The following ZNF106 variants were observed in gnomAD, a reference collection of about 807,000 sequenced individuals.
The protein encoded by ZNF106 is SH3-domain binding protein 3.
In ZNF106, 67 loss-of-function variants were observed where a neutral mutation model predicts 195.1. That is an observed-to-expected ratio of 0.34 (90% confidence interval 0.28 to 0.42). The LOEUF is 0.42. ZNF106 is among the 10% of genes least tolerant of loss of function. The pLI is 1.00. For synonymous variants in ZNF106, 784 were observed against 818.6 expected (o/e 0.96, Z 0.72); for missense variants, 2,118 against 2,304.5 (o/e 0.92, Z 1.66).
In ZNF106 at chr15:42,450,280, G is replaced by A. The variant is rs531266605; in HGVS notation, c.1992C>T (p.Ser664=). 6.2e-7 allele frequency: 1 copy of A among 1,614,150 alleles called. No homozygotes were observed. The highest frequency in any genetic ancestry group is 1.1e-5 in the South Asian group (1 of 91,076). ...TCTGGCGAACTATGGGATTACATGG[G>A]GAAGTGGATAGCTCTCTAGAAGTCT... The part of the protein sequence containing the change: ...ILKTSRELST[S]PCNPIVRQKE... The change falls in exon 5 of 22, where the codon TCC becomes TCT. Residue 664 remains serine, a synonymous_variant. Transcript: ENST00000564754.
chr15:42,487,426 G>T (rs1177366593), intron 1 of ZNF106, among the ~76,000 whole-genome samples: 1 of 148,934 alleles, frequency 6.7e-6, no homozygotes, highest in African/African-American at 2.5e-5. Context: ...AGGAGTTTGA[G>T]GGTGTAGTGA....
intron 4 of ZNF106, among the ~76,000 whole-genome samples, chr15:42,454,287 A>G (rs191450680): frequency 1.4e-4 from 22 of 152,352 alleles, no homozygotes; most frequent in African/African-American, 5.3e-4. Flanking sequence ...TTAGAAAGTA[A>G]CAAGTATTAT....
chr15:42,481,059 T>C (rs1410169559), intron 1 of ZNF106, among the ~76,000 whole-genome samples: 1 of 152,088 alleles, frequency 6.6e-6, no homozygotes, highest in Non-Finnish European at 1.5e-5. Flanking sequence ...CCCTCACCCA[T>C]CATCCCATGC....
intron 3 of ZNF106, among the ~76,000 whole-genome samples, chr15:42,459,458 A>G (rs970053849): frequency 6.6e-6 from 1 of 152,204 alleles, no homozygotes; most frequent in Non-Finnish European, 1.5e-5. Context: ...CCTGGGCAAC[A>G]GAGTGAGACT....
intron 10 of ZNF106, 141 bp downstream of exon 10, chr15:42,441,932 T>C (rs542378417): frequency 8.0e-5 from 48 of 601,428 alleles, no homozygotes; most frequent in South Asian, 1.2e-4. Context: ...TCCTCCTGTA[T>C]ATATGAAGAG....
At chr15:42,419,833 C>T (rs977890675) in intron 20 of ZNF106, among the ~76,000 whole-genome samples, 15 of 151,868 alleles carry the variant, frequency 9.9e-5, no homozygotes, top group South Asian at 4.2e-4. Flanking sequence ...GCCTGTGTTC[C>T]CAGCTACTAG....
In ZNF106 at chr15:42,450,541, G is replaced by A. The variant is rs768336936; in HGVS notation, c.1731C>T (p.Ser577=). The change falls in exon 5 of 22, where the codon AGC becomes AGT. Residue 577 remains serine, a synonymous_variant. Transcript: ENST00000564754. Reference sequence around the variant, plus strand: ...CATAGTTCCTGGTACTTTTAGAAGTGCTAAGAAGTGGATTTTGCAATGACT... The same window carrying A: ...CATAGTTCCTGGTACTTTTAGAAGTACTAAGAAGTGGATTTTGCAATGACT... ...CHESLQNPLL[S]TSKSTRNYAK... The A allele has an allele frequency of 6.2e-7, 1 of 1,614,138 alleles. No homozygotes were observed. Among genetic ancestry groups the A allele is most frequent in the South Asian group, 1.1e-5 (1 of 91,086 alleles).
chr15:42,414,196 T>C lies in ZNF106; in HGVS notation c.*3108A>G, dbSNP rs1008279366. The C allele has an allele frequency of 6.6e-6, 1 of 152,156 alleles. No individual in the cohort carries two copies. The highest frequency in any genetic ancestry group is 2.4e-5 in the African/African-American group (1 of 41,434). 9.4% of individuals were successfully genotyped at this position (152,156 alleles called of 1,614,324 possible). On this transcript the variant is annotated 3_prime_UTR_variant, in exon 22 of 22. Coordinates refer to ENST00000564754, the MANE Select transcript of ZNF106 (RefSeq NM_001366845.3). ...TCAACACAGATCCCTGAGCCATAGC[T>C]CTTCTCTGAGGGGAAACAGGGTTAT...
At chr15:42,466,150 G>T in intron 2 of ZNF106, 36 bp from the exon 3 acceptor site, 2 of 1,471,842 alleles carry the variant, frequency 1.4e-6, no homozygotes, top group Non-Finnish European at 1.8e-6. Context: ...AAACTAAGCA[G>T]GATTGCTTTG....
intron 14 of ZNF106, among the ~76,000 whole-genome samples, chr15:42,434,045 C>G (rs1343205543): frequency 6.6e-6 from 1 of 152,120 alleles, no homozygotes; most frequent in East Asian, 1.9e-4. Context: ...CAGGGTCTTG[C>G]TATGTTGCCC....
At chr15:42,443,927 C>T (rs537970589) in intron 9 of ZNF106, among the ~76,000 whole-genome samples, 6 of 151,654 alleles carry the variant, frequency 4.0e-5, no homozygotes, top group Non-Finnish European at 7.4e-5. Context: ...GCCAACATGG[C>T]GAACCCTGTA....
chr15:42,451,358 C>T lies in ZNF106; in HGVS notation c.914G>A (p.Arg305Gln), dbSNP rs767140748. The part of the protein sequence containing the change: ...KYSHDRYNWQ[R>Q]QENDKLGTVA... ...TGTACCAAGTTTGTCATTTTCTTGC[C>T]GCTGCCAATTATATCTGTCGTGACT... Residue 305 changes from arginine to glutamine, a missense_variant, in exon 5 of 22, where the codon CGG becomes CAG. Arg to Gln is a conservative substitution (Grantham distance 43, BLOSUM62 1). Transcript: ENST00000564754. 164 of 1,613,570 alleles carry T rather than the reference C, an allele frequency of 1.0e-4. No homozygotes were observed. The highest frequency in any genetic ancestry group is 1.2e-4 in the Non-Finnish European group (145 of 1,179,700).
chr15:42,418,357 CTTTTT>C (rs540271844), intron 20 of ZNF106, among the ~76,000 whole-genome samples: 1 of 122,870 alleles, frequency 8.1e-6, no homozygotes, highest in Non-Finnish European at 1.7e-5. Flanking sequence ...ATCGAAAGGG[CTTTTT>C]TTTTTTTTTT....
At chr15:42,460,254 A>C (rs2056356696) in intron 3 of ZNF106, among the ~76,000 whole-genome samples, 1 of 152,144 alleles carries the variant, frequency 6.6e-6, no homozygotes, top group Non-Finnish European at 1.5e-5. Context: ...AATGCAGAGA[A>C]TCTGTCTAAT....
intron 3 of ZNF106, among the ~76,000 whole-genome samples, chr15:42,460,676 C>T (rs1016208595): frequency 3.3e-5 from 5 of 152,156 alleles, no homozygotes; most frequent in Admixed American, 1.3e-4. Context: ...GCCTGACCAA[C>T]ACGGAGAAAC....
chr15:42,482,464 T>G (rs1257296456), intron 1 of ZNF106, among the ~76,000 whole-genome samples: 2 of 151,718 alleles, frequency 1.3e-5, no homozygotes, highest in Non-Finnish European at 2.9e-5. Flanking sequence ...TTTCATAGTA[T>G]CTAACTTGGT....
chr15:42,435,555 G>C (rs1039061613), intron 13 of ZNF106, 37 bp from the exon 14 acceptor site: 3 of 1,611,302 alleles, frequency 1.9e-6, no homozygotes, highest in Non-Finnish European at 2.5e-6. Flanking sequence ...TTACTTATGA[G>C]ATATAGGAGG....
chr15:42,480,542 C>G (rs1249807656), intron 1 of ZNF106, among the ~76,000 whole-genome samples: 1 of 152,088 alleles, frequency 6.6e-6, no homozygotes, highest in Non-Finnish European at 1.5e-5. Flanking sequence ...TTCAGTTATA[C>G]CTGTTTCTGT....
rs1362219380 is a variant in ZNF106 at position 42,457,118 on chromosome 15, C to T, written c.157G>A (p.Val53Met). ...HECRVCGVTE[V>M]GLSAYAKHIS... ...TGCTTTGCATATGCAGAAAGACCCA[C>T]TTCTGTGACCCCGCACACTCGGCAC... is the stretch of plus-strand genomic sequence containing the variant. The change falls in exon 4 of 22, where the codon GTG becomes ATG. Residue 53 changes from valine (V) to methionine (M), a missense_variant. Transcript: ENST00000564754. 1 of 1,614,140 alleles carries T rather than the reference C, an allele frequency of 6.2e-7. No individual in the cohort carries two copies.
Sources: allele counts gnomAD v4.1 joint callset (sites outside exome capture counted in the v4.1 genomes callset), GRCh38; gene constraint gnomAD v4.1.1; transcripts MANE v1.5; gene names NCBI Gene and HGNC (gene_info 2026-07-23, HGNC 2026-07-21).